Variants in NAALADL2 observed in about 807,000 individuals in gnomAD.
The protein encoded by NAALADL2 is N-acetylated alpha-linked acidic dipeptidase like 2.
NAALADL2 carries 76 observed loss-of-function variants against 87.2 expected under a neutral mutation model. The ratio of observed to expected loss-of-function variants is 0.87; its 90% CI spans 0.72 to 1.05. The LOEUF (loss-of-function observed/expected upper bound fraction) is 1.05. Ranked by LOEUF, NAALADL2 falls within the 50% of genes least tolerant of loss-of-function variation. The probability of loss-of-function intolerance (pLI) is 0.00; values close to 1 mark genes in which losing one functional copy is unlikely to be tolerated. For missense variants in NAALADL2, 1,089 were observed against 945.8 expected (o/e 1.15, Z -1.99); for synonymous variants, 354 against 331.0 (o/e 1.07, Z -0.75).
At chr3:175,587,947 C>G (rs1720780341) in intron 10 of NAALADL2, among the ~76,000 whole-genome samples, 1 of 152,076 alleles carries the variant, frequency 6.6e-6, no homozygotes, top group South Asian at 2.1e-4. Flanking sequence ...GAGGACAACT[C>G]AATCACTGGA....
intron 1 of NAALADL2, among the ~76,000 whole-genome samples, chr3:174,926,071 G>A (rs927106231): frequency 5.3e-5 from 8 of 152,190 alleles, no homozygotes; most frequent in South Asian, 2.1e-4. Context: ...CACAAGCTTC[G>A]GTAGCCGATT....
chr3:175,189,799 A>G (rs115802135), intron 2 of NAALADL2, among the ~76,000 whole-genome samples: 2,220 of 152,314 alleles, frequency 0.015, 28 homozygotes, highest in Middle Eastern at 0.065. Flanking sequence ...GGACATTACA[A>G]TTCTTGATTT....
intron 2 of NAALADL2, among the ~76,000 whole-genome samples, chr3:174,657,528 G>T (rs1411364521): frequency 2.6e-5 from 4 of 152,076 alleles, no homozygotes; most frequent in Non-Finnish European, 5.9e-5. Context: ...AAGGCATAGA[G>T]ATATCCCATA....
At chr3:174,761,682 T>C (rs1424488198) in intron 3 of NAALADL2, among the ~76,000 whole-genome samples, 1 of 152,100 alleles carries the variant, frequency 6.6e-6, no homozygotes, top group Admixed American at 6.5e-5. Flanking sequence ...TTGTTACATA[T>C]GTATACATGT....
At chr3:175,471,871 A>T (rs1724958270) in intron 9 of NAALADL2, 113 bp downstream of exon 9, 1 of 911,602 alleles carries the variant, frequency 1.1e-6, no homozygotes, top group African/African-American at 1.7e-5. Flanking sequence ...ATGTTGTATA[A>T]GTGTTTTAAG....
Position 174,775,261 on chromosome 3 carries a change from T to TA in NAALADL2, c.-9+37523dup, listed in dbSNP as rs3040081. ...TTTAGAACATCTTTCTCACCTCCCCTAAAAAAAATCCCACATCCATTAGCA... is the reference window on the plus strand; with the variant it reads ...TTTAGAACATCTTTCTCACCTCCCCTAAAAAAAAATCCCACATCCATTAGCA... On this transcript the variant is annotated intron_variant, in intron 3 of 3. Coordinates refer to the NAALADL2 transcript ENST00000434257. 7.3e-5 allele frequency among the ~76,000 whole-genome samples: 11 copies of TA among 150,910 alleles called. No individual in the cohort carries two copies. In the East Asian group the frequency reaches 1.6e-3, roughly 21 times the overall value.
intron 10 of NAALADL2, among the ~76,000 whole-genome samples, chr3:175,595,579 A>G (rs1457017815): frequency 6.6e-6 from 1 of 152,050 alleles, no homozygotes; most frequent in African/African-American, 2.4e-5. Flanking sequence ...AATCAGTAGC[A>G]TTTCTAAACA....
chr3:175,029,257 T>C (rs957053503), intron 1 of NAALADL2, among the ~76,000 whole-genome samples: 1 of 152,032 alleles, frequency 6.6e-6, no homozygotes, highest in Admixed American at 6.6e-5. Context: ...ATCTCATTCT[T>C]TCACGTCTCT....
rs975180352 is a variant in NAALADL2, at chr3:175,783,867, A to C, written c.2190-19138A>C. 4.5e-4 allele frequency among the ~76,000 whole-genome samples: 66 copies of C among 145,292 alleles called. 1 individual carries two copies. The highest frequency in any genetic ancestry group is 1.3e-3 in the South Asian group (6 of 4,678). On this transcript the variant is annotated intron_variant, in intron 13 of 13. Transcript: ENST00000454872. ...TCATAGATAGCTCTTATTATTTTGA[A>C]ATACATCCCATCGATACCTAATTTA...
intron 2 of NAALADL2, among the ~76,000 whole-genome samples, chr3:174,573,937 T>A (rs1454805517): frequency 1.3e-5 from 2 of 152,170 alleles, no homozygotes; most frequent in African/African-American, 4.8e-5. Flanking sequence ...CAGTGTGACA[T>A]CATTTAGCAT....
intron 1 of NAALADL2, among the ~76,000 whole-genome samples, chr3:174,864,916 A>C (rs1343565753): frequency 1.3e-5 from 2 of 152,188 alleles, no homozygotes; most frequent in South Asian, 2.1e-4. Flanking sequence ...CAAAGATTGC[A>C]AAGAAGATGT....
At chr3:174,560,492 T>G (rs1713462257) in intron 2 of NAALADL2, among the ~76,000 whole-genome samples, 1 of 152,236 alleles carries the variant, frequency 6.6e-6, no homozygotes, top group Admixed American at 6.5e-5. Flanking sequence ...TGACTTTTTC[T>G]TCATGCTTTA....
chr3:175,667,822 TC>T (rs1733413915), intron 11 of NAALADL2, among the ~76,000 whole-genome samples: 1 of 150,816 alleles, frequency 6.6e-6, no homozygotes, highest in East Asian at 2.0e-4. Flanking sequence ...TGTGAGTCTA[TC>T]ATGAGAGGAC....
chr3:174,676,893 G>T (rs568301001), intron 2 of NAALADL2, among the ~76,000 whole-genome samples: 8 of 151,948 alleles, frequency 5.3e-5, no homozygotes, highest in South Asian at 2.1e-4. Context: ...ATAATGAACT[G>T]AATTTAATAA....
chr3:175,647,728 G>A lies in NAALADL2; in HGVS notation c.1896+20342G>A, dbSNP rs183090340. ...GTTTGTGAAGTGCTTTACACCTGGA[G>A]CCCTGTATAAACCTAAGAACTATCT... On this transcript the variant is annotated intron_variant, in intron 11 of 13. Coordinates refer to ENST00000454872, the MANE Select transcript of NAALADL2 (RefSeq NM_207015.3). Among the ~76,000 whole-genome samples, 12 of 152,256 alleles carry A rather than the reference G, an allele frequency of 7.9e-5. No homozygotes were observed. The East Asian group carries it at 2.3e-3, about 29-fold the overall frequency.
intron 11 of NAALADL2, among the ~76,000 whole-genome samples, chr3:175,654,223 G>C (rs963363166): frequency 2.0e-5 from 3 of 152,064 alleles, no homozygotes; most frequent in Admixed American, 1.3e-4. Flanking sequence ...CCTTACTAAT[G>C]AGTGTTTTTG....
intron 5 of NAALADL2, among the ~76,000 whole-genome samples, chr3:175,377,775 G>A (rs1335220058): frequency 2.0e-5 from 3 of 152,150 alleles, no homozygotes; most frequent in Non-Finnish European, 2.9e-5. Flanking sequence ...GACTATGTCT[G>A]GACATTAGAA....
intron 2 of NAALADL2, among the ~76,000 whole-genome samples, chr3:174,714,069 A>G (rs889796691): frequency 3.3e-5 from 5 of 152,110 alleles, no homozygotes; most frequent in Non-Finnish European, 7.4e-5. Flanking sequence ...TCCTTTCCCC[A>G]TTTCTTGTTT....
chr3:175,340,704 C>A (rs1358979506), intron 5 of NAALADL2, among the ~76,000 whole-genome samples: 1 of 152,174 alleles, frequency 6.6e-6, no homozygotes, highest in Non-Finnish European at 1.5e-5. Flanking sequence ...GATACAGATG[C>A]AATTAACATG....
Sources: allele counts gnomAD v4.1 joint callset (sites outside exome capture counted in the v4.1 genomes callset), GRCh38; gene constraint gnomAD v4.1.1; transcripts MANE v1.5; gene names NCBI Gene and HGNC (gene_info 2026-07-23, HGNC 2026-07-21).